Variants in TTC7A observed in about 807,000 individuals in gnomAD.
The protein encoded by TTC7A is tetratricopeptide repeat protein 7A.
In TTC7A, 110 loss-of-function variants were observed where a neutral mutation model predicts 103.7. The observed-to-expected ratio is 1.06, with a 90% CI of 0.91 to 1.24. The LOEUF (loss-of-function observed/expected upper bound fraction) is 1.24, where lower values mean the gene tolerates loss of function less well. Among genes scored for constraint, TTC7A ranks in the 50% most tolerant of loss-of-function variants. The pLI is 0.00. For missense variants in TTC7A, 1,340 were observed against 1,116.3 expected, an observed-to-expected ratio of 1.20 and a Z score of -2.86; for synonymous variants, 521 against 467.9, an observed-to-expected ratio of 1.11 and a Z score of -1.47.
At position 46,941,469 on chromosome 2, in the gene TTC7A, C is replaced by T; in HGVS notation, c.-73C>T. ...CCGTCGACCCCGCCCGCGAGTGCGC[C>T]CCAGCCAGGACGCCGCCCCCGGCCG... On this transcript the variant is annotated 5_prime_UTR_variant, in exon 1 of 20. Transcript: ENST00000319190. This position sits in a 1 kb window ranked among gnomAD's most constrained non-coding sequence, Gnocchi z 4.2. 1 of 1,502,440 alleles carries T rather than the reference C, an allele frequency of 6.7e-7. No homozygotes were observed. The highest frequency in any genetic ancestry group is 1.2e-5 in the South Asian group (1 of 80,104). The allele number at this position is 1,502,440 out of a possible 1,614,324, so 93.1% of individuals were successfully genotyped here.
intron 5 of TTC7A, among the ~76,000 whole-genome samples, chr2:46,984,446 T>C (rs1395436391): frequency 6.6e-6 from 1 of 152,168 alleles, no homozygotes; most frequent in Non-Finnish European, 1.5e-5. Context: ...GGGGCTTCTG[T>C]TTGTCCATGT....
chr2:46,994,602 G>A, intron 7 of TTC7A, 88 bp downstream of exon 7: 1 of 1,377,754 alleles, frequency 7.3e-7, no homozygotes, highest in Non-Finnish European at 1.0e-6. Context: ...TTTGCCCCAT[G>A]CTCTCCTCCA....
At position 47,006,089 on chromosome 2, in the gene TTC7A, C is replaced by G. The variant is rs780796387; in HGVS notation, c.1203+30C>G. 1.5e-5 allele frequency: 24 copies of G among 1,606,246 alleles called. No individual in the cohort carries two copies. The South Asian group carries it at 2.4e-4, about 16-fold the overall frequency. On this transcript the variant is annotated intron_variant, in intron 9 of 19. Coordinates refer to ENST00000319190, the MANE Select transcript of TTC7A (RefSeq NM_020458.4). ...GGCCGGCCATGCAGCCCACCCCACT[C>G]TCCGGAGTCAGGTGGTCTGTAAAGG...
At chr2:46,986,490 G>C (rs1675022841) in intron 5 of TTC7A, among the ~76,000 whole-genome samples, 2 of 152,012 alleles carry the variant, frequency 1.3e-5, no homozygotes, top group Non-Finnish European at 1.5e-5. Flanking sequence ...TGGTGGAGAC[G>C]GTCAGGCAGT....
intron 3 of TTC7A, among the ~76,000 whole-genome samples, chr2:46,957,707 A>C (rs139471068): frequency 6.6e-6 from 1 of 152,202 alleles, no homozygotes; most frequent in Non-Finnish European, 1.5e-5. Context: ...AATGTGTTCA[A>C]TGTTAAAGTC....
Position 47,024,495 on chromosome 2 carries a change from T to C in TTC7A, c.1641+136T>C, listed in dbSNP as rs6713052. On this transcript the variant is annotated intron_variant, in intron 14 of 19. Transcript: ENST00000319190. ...TTTGTTTCCTTATCTGTCATGTAAG[T>C]CCTTTGAGCCCTCATCAGAGGGGCC... The C allele has an allele frequency of 0.5, 367,725 of 729,848 alleles. 102,006 individuals are homozygous for C. Among genetic ancestry groups the C allele is most frequent in the East Asian group, 0.87 (28,114 of 32,230 alleles). The allele number at this position is 729,848 out of a possible 1,614,324, so 45.2% of individuals were successfully genotyped here. A position where few individuals can be genotyped will look rare whatever the true frequency, so the allele number is the denominator to read the frequency against.
intron 8 of TTC7A, among the ~76,000 whole-genome samples, chr2:46,996,591 C>A (rs1676211085): frequency 6.6e-6 from 1 of 152,146 alleles, no homozygotes; most frequent in African/African-American, 2.4e-5. Context: ...TGGGGCTGGT[C>A]CATGTTGGAT....
intron 16 of TTC7A, among the ~76,000 whole-genome samples, chr2:47,049,154 G>GC (rs1438957340): frequency 6.6e-6 from 1 of 152,178 alleles, no homozygotes. Flanking sequence ...GGCTTGGCCT[G>GC]CCTCCTCCTC....
rs562690119 is a variant in TTC7A at position 47,039,862 on chromosome 2, T to A, written c.1803-6453T>A. The stretch of plus-strand genomic sequence containing the variant: ...GGTGGCCTGTGGCATAGCCATTTTC[T>A]AACGGGGAACAGAGACACCAACCTC... On this transcript the variant is annotated intron_variant, in intron 15 of 19. Coordinates refer to ENST00000319190, the MANE Select transcript of TTC7A (RefSeq NM_020458.4). Among the ~76,000 whole-genome samples the A allele has an allele frequency of 4.6e-5, 7 of 152,352 alleles. No individual in the cohort carries two copies. The South Asian group carries it at 1.2e-3, about 27-fold the overall frequency.
At chr2:47,032,615 T>G (rs536338230) in intron 15 of TTC7A, among the ~76,000 whole-genome samples, 42 of 151,922 alleles carry the variant, frequency 2.8e-4, no homozygotes, top group Non-Finnish European at 5.7e-4. Flanking sequence ...CATTTGGGGA[T>G]CTGCAGGCCC....
chr2:46,925,894 C>G (rs1669358694), intron 2 of TTC7A, among the ~76,000 whole-genome samples: 1 of 152,200 alleles, frequency 6.6e-6, no homozygotes, highest in Non-Finnish European at 1.5e-5. Flanking sequence ...AACCATTCTG[C>G]CTTGAGTTCT....
chr2:47,017,344 C>T (rs962277788), intron 11 of TTC7A, among the ~76,000 whole-genome samples: 4 of 151,750 alleles, frequency 2.6e-5, no homozygotes, highest in African/African-American at 9.7e-5. Context: ...GTGAGACCCA[C>T]CCTGCCTCAT....
rs150269540 is a variant in TTC7A at position 46,993,478 on chromosome 2, C to T, written c.793C>T (p.Arg265Trp). The change falls in exon 6 of 20, where the codon CGG (arginine) becomes TGG (tryptophan). Residue 265 changes from arginine to tryptophan, a missense_variant. Coordinates refer to ENST00000319190, the MANE Select transcript of TTC7A (RefSeq NM_020458.4). ...GNIVKGMREL[R>W]EVLRTVETKA... ...CATCGTGAAGGGCATGAGAGAGCTC[C>T]GGGAGGTGCTGCGGACTGTGGAGAC... 80 of 1,614,008 alleles carry T rather than the reference C, an allele frequency of 5.0e-5. No individual in the cohort carries two copies. The highest frequency in any genetic ancestry group is 6.4e-5 in the Non-Finnish European group (76 of 1,180,024).
At chr2:47,057,425 C>T (rs1683409831) in intron 18 of TTC7A, among the ~76,000 whole-genome samples, 1 of 152,174 alleles carries the variant, frequency 6.6e-6, no homozygotes, top group Non-Finnish European at 1.5e-5. Flanking sequence ...AGAACCAGGG[C>T]CCCGAGGCAA....
chr2:47,048,055 A>ACT (rs1682504515), intron 16 of TTC7A, among the ~76,000 whole-genome samples: 1 of 150,564 alleles, frequency 6.6e-6, no homozygotes, highest in African/African-American at 2.4e-5. Flanking sequence ...CTTCCACTGA[A>ACT]CTCCCTGACC....
intron 19 of TTC7A, among the ~76,000 whole-genome samples, chr2:47,069,515 C>T (rs1684481811): frequency 6.6e-6 from 1 of 152,114 alleles, no homozygotes; most frequent in Non-Finnish European, 1.5e-5. Flanking sequence ...GTGAACACAT[C>T]CCACCCCAGC....
intron 5 of TTC7A, among the ~76,000 whole-genome samples, chr2:46,981,969 C>T (rs1262254747): frequency 6.6e-6 from 1 of 152,244 alleles, no homozygotes; most frequent in Non-Finnish European, 1.5e-5. Flanking sequence ...CCTGCCCCAG[C>T]AGGACCCTTG....
At chr2:47,072,625 TAGA>T (rs1684855944) in intron 19 of TTC7A, among the ~76,000 whole-genome samples, 1 of 152,026 alleles carries the variant, frequency 6.6e-6, no homozygotes, top group Non-Finnish European at 1.5e-5. Flanking sequence ...TCCAGGCACA[TAGA>T]AGGCAGCTCC....
chr2:47,005,557 G>A (rs1463893403), intron 8 of TTC7A, among the ~76,000 whole-genome samples: 1 of 152,200 alleles, frequency 6.6e-6, no homozygotes, highest in African/African-American at 2.4e-5. Context: ...ATCCTGGACT[G>A]GATCCTGGAC....
Sources: gnomAD v4.1 joint callset for allele counts (sites outside exome capture counted in the v4.1 genomes callset) on GRCh38, gnomAD v4.1.1 for gene constraint, Gnocchi (gnomAD v3.1) non-coding constraint, MANE v1.5 for transcripts, NCBI Gene and HGNC (gene_info 2026-07-23, HGNC 2026-07-21) for gene names.